The following GRIP1 variants were observed in gnomAD, a reference collection of about 807,000 sequenced individuals.
GRIP1 encodes the protein glutamate receptor-interacting protein 1.
Under a neutral mutation model 129.9 loss-of-function variants are expected in GRIP1, and 45 were observed. The observed-to-expected ratio is 0.35, with a 90% CI of 0.27 to 0.44. GRIP1 has a LOEUF of 0.44. Among genes scored for constraint, GRIP1 ranks in the 20% least tolerant of loss-of-function variants. The pLI is 1.00. For missense variants in GRIP1, 1,196 were observed against 1,396.8 expected (o/e 0.86, Z 2.29); for synonymous variants, 530 against 520.8 (o/e 1.02, Z -0.24).
chr12:66,874,991 G>A (rs576990470), intron 1 of GRIP1, among the ~76,000 whole-genome samples: 33 of 152,078 alleles, frequency 2.2e-4, no homozygotes, highest in African/African-American at 8.0e-4. Flanking sequence ...TGCTATAAAA[G>A]TCAAACCCAT....
At chr12:66,381,313 G>A (rs1222091904) in intron 19 of GRIP1, among the ~76,000 whole-genome samples, 1 of 152,226 alleles carries the variant, frequency 6.6e-6, no homozygotes, top group African/African-American at 2.4e-5. Flanking sequence ...TATGAATGCA[G>A]TTTTCTGTCA....
chr12:66,915,949 A>G (rs1206769060), intron 1 of GRIP1, among the ~76,000 whole-genome samples: 1 of 152,180 alleles, frequency 6.6e-6, no homozygotes, highest in Non-Finnish European at 1.5e-5. Flanking sequence ...TCTCTGTGAG[A>G]AACTCATCAT....
chr12:66,541,805 A>T lies in GRIP1; in HGVS notation c.272+10T>A. On this transcript the variant is annotated intron_variant, in intron 3 of 24. Coordinates refer to ENST00000359742, the MANE Select transcript of GRIP1 (RefSeq NM_001366722.1). ...GTTCCTTTCAGTAGATTTCCCCAAGAGGCAGTTACCTAGCAGCAATTCCTC... is the reference window on the plus strand; with the variant it reads ...GTTCCTTTCAGTAGATTTCCCCAAGTGGCAGTTACCTAGCAGCAATTCCTC... 1 of 1,613,650 alleles carries T rather than the reference A, an allele frequency of 6.2e-7. No homozygotes were observed. The highest frequency in any genetic ancestry group is 8.5e-7 in the Non-Finnish European group (1 of 1,179,572).
At chr12:66,408,207 G>A (rs1332251737) in intron 15 of GRIP1, among the ~76,000 whole-genome samples, 3 of 152,140 alleles carry the variant, frequency 2.0e-5, no homozygotes, top group Admixed American at 6.5e-5. Context: ...GGCTGGGCGC[G>A]GTGGCTCATG....
intron 1 of GRIP1, among the ~76,000 whole-genome samples, chr12:66,633,595 A>G (rs1362671524): frequency 6.6e-6 from 1 of 152,088 alleles, no homozygotes; most frequent in African/African-American, 2.4e-5. Flanking sequence ...TTTTTCTTTT[A>G]GTCAGTAAAG....
chr12:66,747,271 TA>T (rs1334013026), intron 1 of GRIP1, among the ~76,000 whole-genome samples: 1 of 152,084 alleles, frequency 6.6e-6, no homozygotes, highest in African/African-American at 2.4e-5. Flanking sequence ...ATAAACTACT[TA>T]AAAATTGAAA....
At chr12:66,666,680 G>A (rs1037193555) in intron 1 of GRIP1, among the ~76,000 whole-genome samples, 3 of 151,920 alleles carry the variant, frequency 2.0e-5, no homozygotes, top group African/African-American at 4.8e-5. Context: ...ACAGCTTCTC[G>A]ACTTTCACAC....
chr12:66,401,859 T>C (rs1042112513), intron 16 of GRIP1, among the ~76,000 whole-genome samples: 1 of 152,186 alleles, frequency 6.6e-6, no homozygotes, highest in African/African-American at 2.4e-5. Flanking sequence ...TCAGACTCTC[T>C]TGAATGGCTC....
At chr12:66,480,145 G>T (rs908351335) in intron 7 of GRIP1, among the ~76,000 whole-genome samples, 1 of 152,148 alleles carries the variant, frequency 6.6e-6, no homozygotes, top group East Asian at 1.9e-4. Flanking sequence ...GTTTGCAGAT[G>T]ACATCATTGT....
intron 1 of GRIP1, among the ~76,000 whole-genome samples, chr12:67,024,095 C>T (rs2135752746): frequency 6.6e-6 from 1 of 152,020 alleles, no homozygotes; most frequent in South Asian, 2.1e-4. Context: ...AGACTGTTCA[C>T]ACTTGGGGAT....
intron 1 of GRIP1, among the ~76,000 whole-genome samples, chr12:66,819,323 T>C (rs1207430959): frequency 1.3e-5 from 2 of 152,224 alleles, no homozygotes; most frequent in Non-Finnish European, 2.9e-5. Context: ...CATAAGATGG[T>C]AGTTATGTTG....
intron 1 of GRIP1, among the ~76,000 whole-genome samples, chr12:66,855,304 A>T (rs745509527): frequency 1.1e-4 from 16 of 152,028 alleles, no homozygotes; most frequent in Admixed American, 2.0e-4. Context: ...TAGTCTTCAG[A>T]GTGTTATAGC....
intron 1 of GRIP1, among the ~76,000 whole-genome samples, chr12:66,790,412 T>A (rs928733780): frequency 6.6e-6 from 1 of 152,176 alleles, no homozygotes; most frequent in African/African-American, 2.4e-5. Context: ...TAAATATTAA[T>A]ATACACTTTA....
chr12:66,670,448 G>A (rs528321539), intron 1 of GRIP1, among the ~76,000 whole-genome samples: 10 of 152,296 alleles, frequency 6.6e-5, no homozygotes, highest in Middle Eastern at 3.4e-3. Flanking sequence ...GAAATCCTAC[G>A]TTAGCAGTGG....
chr12:66,825,295 T>G (rs1323267019), intron 1 of GRIP1, among the ~76,000 whole-genome samples: 1 of 152,180 alleles, frequency 6.6e-6, no homozygotes, highest in African/African-American at 2.4e-5. Context: ...TTAATAGAGA[T>G]TTCCACATCG....
chr12:66,717,886 A>T (rs188617216), intron 1 of GRIP1, among the ~76,000 whole-genome samples: 15 of 152,274 alleles, frequency 9.9e-5, no homozygotes, highest in Admixed American at 2.6e-4. Flanking sequence ...GGACTACAAG[A>T]TAACAAAATC....
At chr12:66,438,722 C>T (rs1388739138) in intron 13 of GRIP1, among the ~76,000 whole-genome samples, 3 of 152,080 alleles carry the variant, frequency 2.0e-5, no homozygotes, top group Non-Finnish European at 2.9e-5. Context: ...TCTGGAATTC[C>T]TGACCTCAAG....
chr12:66,669,824 T>G (rs956882493), intron 1 of GRIP1, among the ~76,000 whole-genome samples: 1 of 152,198 alleles, frequency 6.6e-6, no homozygotes, highest in Non-Finnish European at 1.5e-5. Context: ...CTCTCCCACA[T>G]AGATAGAGTA....
At chr12:67,015,380 T>C (rs1298687718) in intron 1 of GRIP1, among the ~76,000 whole-genome samples, 2 of 152,186 alleles carry the variant, frequency 1.3e-5, no homozygotes, top group African/African-American at 2.4e-5. Context: ...TATATTTCAC[T>C]GTCCCCAAGA....
Sources: gnomAD v4.1 joint callset for allele counts (sites outside exome capture counted in the v4.1 genomes callset) on GRCh38, gnomAD v4.1.1 for gene constraint, MANE v1.5 for transcripts, NCBI Gene and HGNC (gene_info 2026-07-23, HGNC 2026-07-21) for gene names.